ITGAE: variants seen among roughly 807,000 people sequenced by gnomAD.
The protein encoded by ITGAE is integrin subunit alpha E, also known as integrin alpha-E.
A neutral mutation model predicts 136.5 loss-of-function variants in ITGAE; 99 were observed. That is an observed-to-expected ratio of 0.73 (90% CI 0.62 to 0.86). The LOEUF (loss-of-function observed/expected upper bound fraction) is 0.86. Ranked by LOEUF, ITGAE falls within the 40% of genes least tolerant of loss-of-function variation. The pLI is 0.00. For missense variants in ITGAE, 1,447 were observed against 1,515.3 expected (o/e 0.95, Z 0.75); for synonymous variants, 613 against 591.8 (o/e 1.04, Z -0.52).
Position 3,799,516 on chromosome 17 carries a change from G to A in ITGAE, c.34+1595C>T, listed in dbSNP as rs981295683. ...ACAGATGAGCCACAGGAGTATTCTG[G>A]AGCTGGGAGGCAGGACAGAGGCCTG... On this transcript the variant is annotated intron_variant, in intron 1 of 30. Transcript: ENST00000263087. The surrounding 1 kb of genome is among the most constrained non-coding windows in gnomAD (Gnocchi z 4.1). 2.6e-5 allele frequency among the ~76,000 whole-genome samples: 4 copies of A among 152,144 alleles called. No homozygotes were observed. Among genetic ancestry groups the A allele is most frequent in the Non-Finnish European group, 5.9e-5 (4 of 68,030 alleles).
At chr17:3,797,153 ATATATTTT>A (rs1315337895) in intron 1 of ITGAE, among the ~76,000 whole-genome samples, 5 of 21,292 alleles carry the variant, frequency 2.3e-4, no homozygotes, top group African/African-American at 1.2e-3. Flanking sequence ...ATATATATAT[ATATATTTT>A]TTTTTTTTTT....
At chr17:3,767,610 C>T (rs1311421594) in intron 2 of ITGAE, among the ~76,000 whole-genome samples, 1 of 152,090 alleles carries the variant, frequency 6.6e-6, no homozygotes, top group Non-Finnish European at 1.5e-5. Context: ...TGGTAATAGC[C>T]TCCTGTTATT....
At chr17:3,747,437 C>T (rs974982648) in intron 17 of ITGAE, among the ~76,000 whole-genome samples, 3 of 152,130 alleles carry the variant, frequency 2.0e-5, no homozygotes, top group African/African-American at 7.2e-5. Context: ...CCTGCCTCAG[C>T]CTCCCGAGTA....
chr17:3,726,317 C>T (rs368399895), intron 26 of ITGAE: 22 of 1,610,914 alleles, frequency 1.4e-5, no homozygotes, highest in Non-Finnish European at 1.9e-5. Context: ...TCTGCCAGCA[C>T]AGTCTGTTTA....
chr17:3,715,937 A>G (rs369925891), intron 30 of ITGAE, among the ~76,000 whole-genome samples: 67 of 152,062 alleles, frequency 4.4e-4, no homozygotes, highest in African/African-American at 1.6e-3. Context: ...CGGGAGGATC[A>G]CAAGGTCAGG....
At position 3,755,268 on chromosome 17, in the gene ITGAE, G is replaced by A; in HGVS notation, c.1240-7C>T. On this transcript the variant is annotated splice_region_variant and splice_polypyrimidine_tract_variant and intron_variant, in intron 11 of 30. Transcript: ENST00000263087. ...CGCCGAGCAGCACCTGCCGCTGAAGGGGACGGGGATGGGGCCCAGATGAGT... is the reference window on the plus strand; with the variant it reads ...CGCCGAGCAGCACCTGCCGCTGAAGAGGACGGGGATGGGGCCCAGATGAGT... The A allele has an allele frequency of 6.4e-7, 1 of 1,570,282 alleles. No individual in the cohort carries two copies. Among genetic ancestry groups the A allele is most frequent in the Non-Finnish European group, 8.6e-7 (1 of 1,164,466 alleles).
chr17:3,744,541 G>A (rs1043100477), intron 18 of ITGAE, among the ~76,000 whole-genome samples: 2 of 151,080 alleles, frequency 1.3e-5, no homozygotes, highest in African/African-American at 4.9e-5. Flanking sequence ...CTGCCTCTTA[G>A]GTTCAAGGTT....
At chr17:3,779,466 TAC>T (rs1452729187) in intron 1 of ITGAE, among the ~76,000 whole-genome samples, 1 of 152,048 alleles carries the variant, frequency 6.6e-6, no homozygotes, top group Non-Finnish European at 1.5e-5. Flanking sequence ...TAGCTGGGAT[TAC>T]AGGCGCCTGC....
chr17:3,719,619 T>G (rs1405827538), intron 29 of ITGAE, among the ~76,000 whole-genome samples: 1 of 152,232 alleles, frequency 6.6e-6, no homozygotes, highest in Non-Finnish European at 1.5e-5. Flanking sequence ...TATAAAAGAT[T>G]TATGCATTCC....
chr17:3,748,538 C>T (rs2051778847), intron 16 of ITGAE, among the ~76,000 whole-genome samples: 1 of 152,104 alleles, frequency 6.6e-6, no homozygotes, highest in East Asian at 1.9e-4. Context: ...AGTGAGCCGA[C>T]ATCCTGCCAC....
At position 3,723,715 on chromosome 17, in the gene ITGAE, C is replaced by T. The variant is rs1257021128; in HGVS notation, c.3114G>A (p.Glu1038=). 1.9e-6 allele frequency: 3 copies of T among 1,604,998 alleles called. No homozygotes were observed. Among genetic ancestry groups the T allele is most frequent in the Non-Finnish European group, 1.7e-6 (2 of 1,175,696 alleles). ...QASTVCTWSQ[E]RACAYSSVQH... ...GAACCGAACTGTACGCACAAGCGCG[C>T]TCCTGACTCCAGGTGCACACCGTGG... The change falls in exon 27 of 31, where the codon GAG becomes GAA. Residue 1038 remains glutamate (E), a synonymous_variant. Transcript: ENST00000263087.
intron 19 of ITGAE, among the ~76,000 whole-genome samples, chr17:3,741,244 ATTTT>A (rs34606637): frequency 7.3e-6 from 1 of 136,724 alleles, no homozygotes; most frequent in African/African-American, 2.7e-5. Context: ...CGCCCAGCTA[ATTTT>A]TTTTTTTTTT....
intron 20 of ITGAE, among the ~76,000 whole-genome samples, chr17:3,737,002 A>G (rs1202120458): frequency 2.7e-5 from 4 of 149,836 alleles, no homozygotes; most frequent in African/African-American, 9.8e-5. Flanking sequence ...ATAAGGAAAC[A>G]GTAGTGGATG....
At chr17:3,796,209 G>GT (rs2053099850) in intron 1 of ITGAE, among the ~76,000 whole-genome samples, 1 of 147,198 alleles carries the variant, frequency 6.8e-6, no homozygotes, top group Non-Finnish European at 1.5e-5. Context: ...GTAGTTCGCT[G>GT]TATTTGCTGG....
At position 3,723,512 on chromosome 17, in the gene ITGAE, C is replaced by G. The variant is rs184752415; in HGVS notation, c.3142-129G>C. On this transcript the variant is annotated intron_variant, in intron 27 of 30. Transcript: ENST00000263087. The stretch of plus-strand genomic sequence containing the variant: ...GTGTGAGCAATTTCAGCGCTCACCT[C>G]GGCCCAAGCGAAGCTCCAGCGGGAG... 7.1e-6 allele frequency: 7 copies of G among 984,448 alleles called. No individual in the cohort carries two copies. In the East Asian group the frequency reaches 1.5e-4, roughly 21 times the overall value. The allele number at this position is 984,448 out of a possible 1,614,324, so 61.0% of individuals were successfully genotyped here. A position where few individuals can be genotyped will look rare whatever the true frequency, so the allele number is the denominator to read the frequency against.
In ITGAE at chr17:3,761,153, C is replaced by T. The variant is rs1372387842; in HGVS notation, c.458G>A (p.Arg153His). 5.6e-6 allele frequency: 9 copies of T among 1,611,524 alleles called. No individual in the cohort carries two copies. Among genetic ancestry groups the T allele is most frequent in the East Asian group, 4.5e-5 (2 of 44,862 alleles). The change falls in exon 6 of 31, where the codon CGT becomes CAT. Residue 153 changes from arginine to histidine, a missense_variant. Around this residue, in one of 3 missense-constraint regions of ITGAE, gnomAD observed 310 missense variants for 416.1 expected, o/e 0.74. Coordinates refer to ENST00000263087, the MANE Select transcript of ITGAE (RefSeq NM_002208.5). The part of the protein sequence containing the change: ...DLENLLDPDA[R>H]VDTGDCYSNK... ...GCTGTAGCAGTCTCCAGTGTCCACA[C>T]GTGCATCTGGATCCAGGAGATTTTC...
chr17:3,724,910 A>G (rs549331436), intron 26 of ITGAE: 3 of 1,613,676 alleles, frequency 1.9e-6, no homozygotes, highest in Non-Finnish European at 2.5e-6. Flanking sequence ...GCATTGTGCC[A>G]AGGGGAATAG....
chr17:3,780,456 C>T (rs1597362308), intron 1 of ITGAE, among the ~76,000 whole-genome samples: 1 of 152,086 alleles, frequency 6.6e-6, no homozygotes, highest in African/African-American at 2.4e-5. Context: ...AGCCACCGCG[C>T]CTGGCCTAAT....
intron 21 of ITGAE, among the ~76,000 whole-genome samples, chr17:3,733,145 G>A (rs747644882): frequency 8.6e-5 from 13 of 152,046 alleles, no homozygotes; most frequent in Admixed American, 2.0e-4. Context: ...CACCACGCCC[G>A]GCTAATTTTT....
Sources: allele counts gnomAD v4.1 joint callset (sites outside exome capture counted in the v4.1 genomes callset), GRCh38; gene constraint gnomAD v4.1.1; regional missense constraint gnomAD v4.1.1; non-coding constraint Gnocchi (gnomAD v3.1); transcripts MANE v1.5; gene names NCBI Gene and HGNC (gene_info 2026-07-23, HGNC 2026-07-21).